Variants in GJB7 observed in about 807,000 individuals in gnomAD.
The protein encoded by GJB7 is gap junction protein beta 7.
For synonymous variants in GJB7, 87 were observed against 95.2 expected, an observed-to-expected ratio of 0.91 and a Z score of 0.50; for missense variants, 253 against 256.8, an observed-to-expected ratio of 0.99 and a Z score of 0.10.
intron 2 of GJB7, chr6:87,322,322 A>G (rs977348882): frequency 1.4e-4 from 21 of 152,246 alleles, no homozygotes. Flanking sequence ...TATTTATACA[A>G]ACATACACAC....
intron 2 of GJB7, among the ~76,000 whole-genome samples, chr6:87,304,930 G>A (rs765655032): frequency 1.3e-5 from 2 of 152,112 alleles, no homozygotes; most frequent in African/African-American, 2.4e-5. Context: ...AAAACCATAC[G>A]ATTATCTCAA....
chr6:87,293,122 C>T (rs1212126658), intron 2 of GJB7, among the ~76,000 whole-genome samples: 1 of 152,236 alleles, frequency 6.6e-6, no homozygotes, highest in Admixed American at 6.5e-5. Flanking sequence ...ACCTCCCCTT[C>T]GCGGGTTCAA....
intron 2 of GJB7, among the ~76,000 whole-genome samples, chr6:87,291,086 G>A: frequency 6.6e-6 from 1 of 152,166 alleles, no homozygotes; most frequent in East Asian, 1.9e-4. Flanking sequence ...CTGGCCCACA[G>A]AACAAGTGAG....
At chr6:87,305,288 G>A (rs941724020) in intron 2 of GJB7, among the ~76,000 whole-genome samples, 7 of 151,886 alleles carry the variant, frequency 4.6e-5, no homozygotes, top group Non-Finnish European at 8.8e-5. Context: ...CATTGTCTCA[G>A]CCCAAAATCT....
intron 1 of GJB7, among the ~76,000 whole-genome samples, chr6:87,328,082 T>A (rs1317107168): frequency 1.3e-5 from 2 of 152,240 alleles, no homozygotes; most frequent in Non-Finnish European, 2.9e-5. Flanking sequence ...CACGTAGTTC[T>A]TGAGCCTTGG....
chr6:87,300,915 C>A (rs909527861), intron 2 of GJB7, among the ~76,000 whole-genome samples: 1 of 152,140 alleles, frequency 6.6e-6, no homozygotes, highest in Non-Finnish European at 1.5e-5. Flanking sequence ...AATAAACAGA[C>A]TGACAAGCAT....
intron 2 of GJB7, among the ~76,000 whole-genome samples, chr6:87,303,054 A>G (rs1482769506): frequency 1.3e-5 from 2 of 152,246 alleles, no homozygotes; most frequent in Non-Finnish European, 2.9e-5. Context: ...AACAACCAGT[A>G]CCAGCCACTG....
chr6:87,314,714 C>G (rs900216894), intron 2 of GJB7, among the ~76,000 whole-genome samples: 7 of 152,180 alleles, frequency 4.6e-5, no homozygotes, highest in African/African-American at 1.7e-4. Context: ...GGCACCCCAC[C>G]TCCTTACTTA....
chr6:87,323,686 T>A (rs1319179229), intron 1 of GJB7, among the ~76,000 whole-genome samples: 1 of 152,190 alleles, frequency 6.6e-6, no homozygotes, highest in Non-Finnish European at 1.5e-5. Context: ...GTTGGACATT[T>A]GGGTTGGTTC....
At chr6:87,297,593 C>A (rs765174187) in intron 2 of GJB7, among the ~76,000 whole-genome samples, 32 of 152,140 alleles carry the variant, frequency 2.1e-4, no homozygotes, top group Admixed American at 1.1e-3. Flanking sequence ...AGAGAAATGA[C>A]TGAATTATCT....
chr6:87,293,112 A>G (rs577232594), intron 2 of GJB7, among the ~76,000 whole-genome samples: 2 of 152,258 alleles, frequency 1.3e-5, no homozygotes, highest in African/African-American at 2.4e-5. Context: ...GCTCACTGCA[A>G]CCTCCCCTTC....
At chr6:87,291,221 G>A (rs538226757) in intron 2 of GJB7, among the ~76,000 whole-genome samples, 1 of 152,186 alleles carries the variant, frequency 6.6e-6, no homozygotes, top group Non-Finnish European at 1.5e-5. Flanking sequence ...TACTCGTTTT[G>A]TAATGTTCAA....
At chr6:87,326,511 C>T (rs909435472) in intron 1 of GJB7, among the ~76,000 whole-genome samples, 2 of 151,746 alleles carry the variant, frequency 1.3e-5, no homozygotes, top group African/African-American at 4.9e-5. Context: ...TTTCTGCCTT[C>T]AGTTCGTTAT....
intron 2 of GJB7, among the ~76,000 whole-genome samples, chr6:87,311,012 T>G (rs1352168413): frequency 6.6e-6 from 1 of 152,230 alleles, no homozygotes; most frequent in Non-Finnish European, 1.5e-5. Context: ...CTTGTAAGTC[T>G]ATCTTTATTT....
intron 2 of GJB7, chr6:87,291,849 C>T (rs1776179431): frequency 6.6e-6 from 1 of 152,122 alleles, no homozygotes; most frequent in African/African-American, 2.4e-5. Flanking sequence ...TGCAATTTTC[C>T]CATTAAATAG....
chr6:87,313,375 A>G (rs908537401), intron 2 of GJB7, among the ~76,000 whole-genome samples: 2 of 152,246 alleles, frequency 1.3e-5, no homozygotes, highest in Admixed American at 1.3e-4. Flanking sequence ...TAGCTAATGC[A>G]TGTAAGTAAC....
intron 2 of GJB7, among the ~76,000 whole-genome samples, chr6:87,285,167 T>C (rs540933650): frequency 9.2e-5 from 14 of 152,282 alleles, no homozygotes; most frequent in Admixed American, 4.6e-4. Flanking sequence ...TGAGATTTGG[T>C]TGGTCATCTA....
At chr6:87,294,441 A>G (rs1776221382) in intron 2 of GJB7, among the ~76,000 whole-genome samples, 2 of 152,240 alleles carry the variant, frequency 1.3e-5, no homozygotes, top group African/African-American at 2.4e-5. Flanking sequence ...CAGATGCCCT[A>G]TGAGAAGAAC....
chr6:87,311,080 A>C (rs1234870656), intron 2 of GJB7, among the ~76,000 whole-genome samples: 1 of 152,224 alleles, frequency 6.6e-6, no homozygotes, highest in Non-Finnish European at 1.5e-5. Context: ...ACCATCAAGG[A>C]AATACAAATT....
Sources: gnomAD v4.1 joint callset for allele counts (sites outside exome capture counted in the v4.1 genomes callset) on GRCh38, gnomAD v4.1.1 for gene constraint, MANE v1.5 for transcripts, NCBI Gene and HGNC (gene_info 2026-07-23, HGNC 2026-07-21) for gene names.